The following WDFY1 variants were observed in gnomAD, a reference collection of about 807,000 sequenced individuals.
WDFY1 encodes the protein WD repeat and FYVE domain containing 1, also known as WD repeat and FYVE domain-containing protein 1.
Under a neutral mutation model 56.4 loss-of-function variants are expected in WDFY1, and 32 were observed. The ratio of observed to expected loss-of-function variants is 0.57; its 90% CI spans 0.43 to 0.76. The LOEUF (loss-of-function observed/expected upper bound fraction) is 0.76, where lower values mean the gene tolerates loss of function less well. WDFY1 is among the 30% of genes least tolerant of loss of function. WDFY1 has a pLI of 0.00. For synonymous variants in WDFY1, 192 were observed against 197.3 expected (o/e 0.97, Z 0.23); for missense variants, 480 against 545.7 (o/e 0.88, Z 1.20).
rs35246074 is a variant in WDFY1 at position 223,932,117 on chromosome 2, CTTT to C, written c.137+13028_137+13030del. Among the ~76,000 whole-genome samples, 506 of 93,944 alleles carry C rather than the reference CTTT, an allele frequency of 5.4e-3. 2 individuals are homozygous for C. Among genetic ancestry groups the C allele is most frequent in the African/African-American group, 0.02 (468 of 22,834 alleles). 61.6% of individuals were successfully genotyped at this position (93,944 alleles called of 152,430 possible). A position where few individuals can be genotyped will look rare whatever the true frequency, so the allele number is the denominator to read the frequency against. On this transcript the variant is annotated intron_variant, in intron 1 of 11. Coordinates refer to ENST00000233055, the MANE Select transcript of WDFY1 (RefSeq NM_020830.5). ...TAGTATGTATTACCAGTATGAGTAC[CTTT>C]TTTTTTTTTTTTTTTTTTTTGAGAC... is the stretch of plus-strand genomic sequence containing the variant.
chr2:223,938,856 A>AATT (rs1176725327), intron 1 of WDFY1, among the ~76,000 whole-genome samples: 1 of 140,494 alleles, frequency 7.1e-6, no homozygotes, highest in African/African-American at 2.6e-5. Context: ...TGTAAGCAGT[A>AATT]TTTTTTTTTT....
In WDFY1 at chr2:223,907,826, G is replaced by A. The variant is rs560368466; in HGVS notation, c.280-1825C>T. On this transcript the variant is annotated intron_variant, in intron 3 of 11. Transcript: ENST00000233055. ...TCCCTTCCACTGGATCTTTCTTCTC[G>A]GCCCTTACATCAAGGCTGCTGCTGC... is the stretch of plus-strand genomic sequence containing the variant. 7.3e-5 allele frequency among the ~76,000 whole-genome samples: 11 copies of A among 150,978 alleles called. No individual in the cohort carries two copies. In the South Asian group the frequency reaches 2.1e-3, roughly 29 times the overall value.
intron 2 of WDFY1, 139 bp downstream of exon 2, chr2:223,917,804 C>G: frequency 1.2e-6 from 1 of 843,598 alleles, no homozygotes. Context: ...ACTCCTGACC[C>G]CAGGTGATCT....
At chr2:223,887,823 C>T (rs1043085834) in intron 8 of WDFY1, among the ~76,000 whole-genome samples, 9 of 152,088 alleles carry the variant, frequency 5.9e-5, no homozygotes, top group African/African-American at 2.2e-4. Flanking sequence ...ATTTTCCCCC[C>T]TTAGCCTCTC....
At chr2:223,895,369 T>C in intron 7 of WDFY1, 135 bp downstream of exon 7, 1 of 1,325,280 alleles carries the variant, frequency 7.5e-7, no homozygotes, top group East Asian at 2.4e-5. Context: ...CAGTTAAAAG[T>C]GAACTGAGCC....
chr2:223,892,826 G>A (rs1206589004), intron 8 of WDFY1, among the ~76,000 whole-genome samples: 1 of 152,222 alleles, frequency 6.6e-6, no homozygotes, highest in Non-Finnish European at 1.5e-5. Flanking sequence ...AACACAGTAG[G>A]TACTGCAATG....
chr2:223,913,953 G>T (rs1193046862), intron 2 of WDFY1, among the ~76,000 whole-genome samples: 2 of 146,768 alleles, frequency 1.4e-5, no homozygotes, highest in Non-Finnish European at 3.0e-5. Flanking sequence ...GGAGGGGTTG[G>T]ATATAAAGCA....
At chr2:223,926,530 T>A (rs1693981984) in intron 1 of WDFY1, among the ~76,000 whole-genome samples, 1 of 152,182 alleles carries the variant, frequency 6.6e-6, no homozygotes. Flanking sequence ...AAAAACAACA[T>A]TAATCTCATG....
chr2:223,917,249 T>C (rs914867768), intron 2 of WDFY1, among the ~76,000 whole-genome samples: 29 of 152,088 alleles, frequency 1.9e-4, no homozygotes, highest in Admixed American at 1.7e-3. Flanking sequence ...GGTCCAGAGG[T>C]TGGTGAAAAG....
intron 1 of WDFY1, among the ~76,000 whole-genome samples, chr2:223,944,897 G>A (rs1268400539): frequency 1.3e-5 from 2 of 148,576 alleles, no homozygotes; most frequent in African/African-American, 5.0e-5. Flanking sequence ...GGAGGGGCGC[G>A]GTGGGACAGG....
At chr2:223,917,171 A>G (rs981134628) in intron 2 of WDFY1, among the ~76,000 whole-genome samples, 2 of 152,282 alleles carry the variant, frequency 1.3e-5, no homozygotes, top group South Asian at 4.1e-4. Context: ...TTATTTATAG[A>G]ACATACCTGA....
chr2:223,895,002 T>A (rs922544615), intron 7 of WDFY1, among the ~76,000 whole-genome samples: 2 of 152,196 alleles, frequency 1.3e-5, no homozygotes, highest in Non-Finnish European at 2.9e-5. Context: ...CAGGGCAAGA[T>A]CCTAAATATA....
chr2:223,911,609 CACACACAG>C (rs1693703472), intron 3 of WDFY1, among the ~76,000 whole-genome samples: 1 of 110,102 alleles, frequency 9.1e-6, no homozygotes, highest in South Asian at 2.9e-4. Context: ...CACACACACA[CACACACAG>C]AGTGACAGAG....
chr2:223,909,566 A>T (rs1007730357), intron 3 of WDFY1, among the ~76,000 whole-genome samples: 1 of 152,026 alleles, frequency 6.6e-6, no homozygotes, highest in Non-Finnish European at 1.5e-5. Context: ...GCTCACTGGT[A>T]TCTTAAACTA....
At chr2:223,897,390 A>ATTTTTT (rs1553536123) in intron 6 of WDFY1, among the ~76,000 whole-genome samples, 18 of 125,992 alleles carry the variant, frequency 1.4e-4, no homozygotes, top group African/African-American at 3.8e-4. Flanking sequence ...ATATATATAT[A>ATTTTTT]TTTTTTAAGA....
intron 1 of WDFY1, among the ~76,000 whole-genome samples, chr2:223,934,542 CAG>C (rs199859746): frequency 0.015 from 2,294 of 152,018 alleles, 63 homozygotes; most frequent in African/African-American, 0.05. Context: ...ATTTTTGAGA[CAG>C]AGTCTCACTC....
chr2:223,880,056 C>T, intron 11 of WDFY1, 68 bp downstream of exon 11: 1 of 1,329,042 alleles, frequency 7.5e-7, no homozygotes, highest in Non-Finnish European at 1.1e-6. Context: ...GTGACTGTCT[C>T]CTGCACATTC....
At chr2:223,893,417 C>A (rs1481695550) in intron 8 of WDFY1, among the ~76,000 whole-genome samples, 1 of 151,500 alleles carries the variant, frequency 6.6e-6, no homozygotes, top group Non-Finnish European at 1.5e-5. Flanking sequence ...GTAGCCCCAG[C>A]TACTCAGGAA....
chr2:223,942,143 C>A (rs1281636057), intron 1 of WDFY1, among the ~76,000 whole-genome samples: 3 of 152,296 alleles, frequency 2.0e-5, no homozygotes, highest in East Asian at 1.9e-4. Context: ...CTGCTCCTGA[C>A]CAGCAATCTC....
Sources: allele counts gnomAD v4.1 joint callset (sites outside exome capture counted in the v4.1 genomes callset), GRCh38; gene constraint gnomAD v4.1.1; transcripts MANE v1.5; gene names NCBI Gene and HGNC (gene_info 2026-07-23, HGNC 2026-07-21).